SEPTIN9: variants seen among roughly 807,000 people sequenced by gnomAD.
The protein encoded by SEPTIN9 is septin-9.
A neutral mutation model predicts 56.6 loss-of-function variants in SEPTIN9; 13 were observed. That is an observed-to-expected ratio of 0.23 (90% CI 0.15 to 0.37). The LOEUF is 0.37. SEPTIN9 is among the 10% of genes least tolerant of loss of function. SEPTIN9 has a pLI of 1.00. For synonymous variants in SEPTIN9, 332 were observed against 334.1 expected (o/e 0.99, Z 0.07); for missense variants, 650 against 823.1 (o/e 0.79, Z 2.57).
intron 11 of SEPTIN9, 76 bp from the exon 12 acceptor site, chr17:77,498,447 C>G (rs898702141): frequency 2.0e-4 from 173 of 873,220 alleles, no homozygotes; most frequent in Non-Finnish European, 2.7e-4. Context: ...CGAGGCAGGC[C>G]GAGCAGGGCC....
rs1568067458 is a variant in SEPTIN9 at position 77,435,654 on chromosome 17, AGGCGGACGCTTT to A, written c.721+32955_721+32966del. Among the ~76,000 whole-genome samples, 1 of 152,188 alleles carries A rather than the reference AGGCGGACGCTTT, an allele frequency of 6.6e-6. No homozygotes were observed. Among genetic ancestry groups the A allele is most frequent in the Non-Finnish European group, 1.5e-5 (1 of 68,022 alleles). ...TGACACAGAATGAAGCAGCTAGGGGAGGCGGACGCTTTGGCACGAGGGTGGCGTTTCTGGTAA... is the reference window on the plus strand; with the variant it reads ...TGACACAGAATGAAGCAGCTAGGGGAGGCACGAGGGTGGCGTTTCTGGTAA... On this transcript the variant is annotated intron_variant, in intron 3 of 11. Coordinates refer to ENST00000427177, the MANE Select transcript of SEPTIN9 (RefSeq NM_001113491.2). This position sits in a 1 kb window ranked among gnomAD's most constrained non-coding sequence, Gnocchi z 4.5.
chr17:77,397,127 A>G (rs1262163243), intron 2 of SEPTIN9: 1 of 154,738 alleles, frequency 6.5e-6, no homozygotes, highest in East Asian at 1.9e-4. Context: ...AAATTACTGG[A>G]AACCAAGTGG....
At chr17:77,373,845 G>A (rs764069827) in intron 2 of SEPTIN9, 1 of 416,016 alleles carries the variant, frequency 2.4e-6, no homozygotes, top group Non-Finnish European at 4.0e-6. Flanking sequence ...ATTGTTGTTT[G>A]TGTTTGCCAA....
chr17:77,470,956 G>T (rs1449632908), intron 3 of SEPTIN9: 1 of 152,282 alleles, frequency 6.6e-6, no homozygotes, highest in Non-Finnish European at 1.5e-5. Flanking sequence ...GGCACTGTGG[G>T]TTCCCAAGGC....
intron 2 of SEPTIN9, among the ~76,000 whole-genome samples, chr17:77,361,842 C>T (rs1006607881): frequency 1.3e-5 from 2 of 152,040 alleles, no homozygotes; most frequent in Non-Finnish European, 2.9e-5. Context: ...CCGTGTTAGC[C>T]AGGATGGTCT....
At chr17:77,301,394 TTGTGTGTGTGTG>T (rs56947697) in intron 1 of SEPTIN9, among the ~76,000 whole-genome samples, 8,914 of 142,192 alleles carry the variant, frequency 0.063, 352 homozygotes, top group African/African-American at 0.1. Context: ...GGGAATAGAT[TTGTGTGTGTGTG>T]TGTGTGTGTG....
At chr17:77,444,840 A>G (rs898184924) in intron 3 of SEPTIN9, 2 of 270,716 alleles carry the variant, frequency 7.4e-6, no homozygotes, top group East Asian at 1.1e-4. Flanking sequence ...GTGGGAAGCT[A>G]GAAGCCGTGG....
At chr17:77,485,416 CAGT>C (rs969016443) in intron 4 of SEPTIN9, among the ~76,000 whole-genome samples, 14 of 146,926 alleles carry the variant, frequency 9.5e-5, no homozygotes, top group East Asian at 4.1e-4. Flanking sequence ...ATTGTGATGA[CAGT>C]GGTGGTGGTG....
chr17:77,363,716 T>G (rs2034489897), intron 2 of SEPTIN9, among the ~76,000 whole-genome samples: 1 of 152,060 alleles, frequency 6.6e-6, no homozygotes, highest in Non-Finnish European at 1.5e-5. Context: ...TCCCTGGCCC[T>G]CAGTGTTTCT....
intron 2 of SEPTIN9, among the ~76,000 whole-genome samples, chr17:77,387,035 C>G (rs369674133): frequency 8.5e-5 from 13 of 152,170 alleles, no homozygotes; most frequent in African/African-American, 3.1e-4. Context: ...GTGGTTAGCC[C>G]CAGATAGCTG....
chr17:77,478,259 G>A (rs551239884), intron 3 of SEPTIN9, among the ~76,000 whole-genome samples: 3 of 152,138 alleles, frequency 2.0e-5, no homozygotes, highest in South Asian at 2.1e-4. Flanking sequence ...TAGAAATTCC[G>A]TTCCTCAGTT....
At chr17:77,339,421 A>G (rs1020485167) in intron 2 of SEPTIN9, among the ~76,000 whole-genome samples, 2 of 152,124 alleles carry the variant, frequency 1.3e-5, no homozygotes, top group African/African-American at 4.8e-5. Flanking sequence ...CTTTACATAC[A>G]TCTCCGTCAG....
rs2032760353 is a variant in SEPTIN9 at position 77,317,712 on chromosome 17, G to A, written c.76+10515G>A. Among the ~76,000 whole-genome samples the A allele has an allele frequency of 6.6e-6, 1 of 152,134 alleles. No homozygotes were observed. The highest frequency in any genetic ancestry group is 2.4e-5 in the African/African-American group (1 of 41,412). ...CAATACAACGTGCTTGTGGCCGGGT[G>A]CAGTGGCTCACACCTGTAATCCCAG... On this transcript the variant is annotated intron_variant, in intron 2 of 11. Transcript: ENST00000427177. This position sits in a 1 kb window ranked among gnomAD's most constrained non-coding sequence, Gnocchi z 4.2.
At chr17:77,357,767 A>G (rs934364801) in intron 2 of SEPTIN9, among the ~76,000 whole-genome samples, 40 of 152,130 alleles carry the variant, frequency 2.6e-4, no homozygotes, top group African/African-American at 8.9e-4. Flanking sequence ...GGCATCCACC[A>G]CCACACCCAG....
chr17:77,466,676 TG>T, intron 3 of SEPTIN9: 1 of 657,426 alleles, frequency 1.5e-6, no homozygotes, highest in Non-Finnish European at 1.9e-6. Flanking sequence ...TGGGAGACCC[TG>T]GGGGCTCCCT....
intron 3 of SEPTIN9, among the ~76,000 whole-genome samples, chr17:77,403,887 T>C (rs986247417): frequency 6.6e-5 from 10 of 152,182 alleles, no homozygotes; most frequent in African/African-American, 1.9e-4. Flanking sequence ...GGTACCCTTT[T>C]CATCCTCCCA....
chr17:77,478,356 C>T (rs1174765040), intron 3 of SEPTIN9, among the ~76,000 whole-genome samples: 1 of 152,260 alleles, frequency 6.6e-6, no homozygotes, highest in Non-Finnish European at 1.5e-5. Context: ...ACCACCGTAG[C>T]ATCCCATAAT....
At chr17:77,403,908 C>T (rs1018705809) in intron 3 of SEPTIN9, among the ~76,000 whole-genome samples, 2 of 152,172 alleles carry the variant, frequency 1.3e-5, no homozygotes, top group East Asian at 3.8e-4. Flanking sequence ...AACTGAGCTC[C>T]GTCCCCGTTA....
At chr17:77,348,668 C>T (rs534170760) in intron 2 of SEPTIN9, among the ~76,000 whole-genome samples, 1 of 152,258 alleles carries the variant, frequency 6.6e-6, no homozygotes, top group East Asian at 1.9e-4. Context: ...TTCTATTGCA[C>T]ATTCTTAGCT....
Sources: gnomAD v4.1 joint callset for allele counts (sites outside exome capture counted in the v4.1 genomes callset) on GRCh38, gnomAD v4.1.1 for gene constraint, Gnocchi (gnomAD v3.1) non-coding constraint, MANE v1.5 for transcripts, NCBI Gene and HGNC (gene_info 2026-07-23, HGNC 2026-07-21) for gene names.